The following CNNM2 variants were observed in gnomAD, a reference collection of about 807,000 sequenced individuals.
The protein encoded by CNNM2 is cyclin and CBS domain divalent metal cation transport mediator 2, also known as metal transporter CNNM2.
Under a neutral mutation model 66.9 loss-of-function variants are expected in CNNM2, and 12 were observed. The ratio of observed to expected loss-of-function variants is 0.18; its 90% CI spans 0.11 to 0.29. The LOEUF (loss-of-function observed/expected upper bound fraction) is 0.29. Among genes scored for constraint, CNNM2 ranks in the 10% least tolerant of loss-of-function variants. The pLI is 1.00. For missense variants in CNNM2, 705 were observed against 1,167.7 expected (o/e 0.60, Z 5.77); for synonymous variants, 557 against 501.8 (o/e 1.11, Z -1.47).
intron 1 of CNNM2, among the ~76,000 whole-genome samples, chr10:102,972,902 A>G (rs2134218291): frequency 6.6e-6 from 1 of 152,290 alleles, no homozygotes; most frequent in East Asian, 1.9e-4. Flanking sequence ...CTGTACAATC[A>G]AGTTTCTTTA....
At chr10:102,966,483 C>G (rs574162300) in intron 1 of CNNM2, among the ~76,000 whole-genome samples, 2 of 152,152 alleles carry the variant, frequency 1.3e-5, no homozygotes, top group South Asian at 4.1e-4. Flanking sequence ...ACAAAACAGC[C>G]GGGCTGGGTG....
chr10:103,032,146 T>A (rs990985127), intron 1 of CNNM2, among the ~76,000 whole-genome samples: 1 of 152,112 alleles, frequency 6.6e-6, no homozygotes, highest in African/African-American at 2.4e-5. Context: ...CATTTTCTCT[T>A]GTTAGAAATA....
At chr10:103,011,147 G>C (rs1026219426) in intron 1 of CNNM2, among the ~76,000 whole-genome samples, 4 of 152,134 alleles carry the variant, frequency 2.6e-5, no homozygotes, top group Non-Finnish European at 4.4e-5. Flanking sequence ...TCAGTGAGTT[G>C]CTTCTTTGCT....
In CNNM2 at chr10:103,076,253, G is replaced by A. The variant is rs2065688582; in HGVS notation, c.2401G>A (p.Asp801Asn). The part of the protein sequence containing the change: ...IPDYSVRALS[D>N]LQFVKISRQQ... ...CGATTACTCGGTGCGAGCCCTTTCG[G>A]ATCTGCAGTTTGTTAAGGTGAGAGA... The change falls in exon 7 of 8, where the codon GAT (aspartate) becomes AAT (asparagine). Residue 801 changes from aspartate to asparagine, a missense_variant. Asp to Asn is a conservative substitution (Grantham distance 23, BLOSUM62 1). Around this residue, in one of 9 missense-constraint regions of CNNM2, gnomAD observed 194 missense variants for 227.6 expected, o/e 0.85. Coordinates refer to ENST00000369878, the MANE Select transcript of CNNM2 (RefSeq NM_017649.5). 1 of 1,560,424 alleles carries A rather than the reference G, an allele frequency of 6.4e-7. No individual in the cohort carries two copies. The highest frequency in any genetic ancestry group is 1.4e-5 in the African/African-American group (1 of 73,560).
intron 7 of CNNM2, 103 bp from the exon 8 acceptor site, chr10:103,076,868 A>C: frequency 3.9e-6 from 4 of 1,032,134 alleles, no homozygotes; most frequent in Non-Finnish European, 5.9e-6. Context: ...ATTTTCTCCT[A>C]GAGAGGCTGC....
intron 1 of CNNM2, among the ~76,000 whole-genome samples, chr10:102,972,493 C>T (rs1196982614): frequency 2.0e-5 from 3 of 152,010 alleles, no homozygotes; most frequent in African/African-American, 2.4e-5. Context: ...AAAAATTAGA[C>T]GGGCGTGGTG....
chr10:103,052,327 TTC>T (rs1396101110), intron 2 of CNNM2, among the ~76,000 whole-genome samples: 1 of 151,838 alleles, frequency 6.6e-6, no homozygotes. Context: ...GTGTCTGTAT[TTC>T]TGTTTGCCCA....
At chr10:103,052,156 C>G (rs2065224556) in intron 2 of CNNM2, among the ~76,000 whole-genome samples, 1 of 151,696 alleles carries the variant, frequency 6.6e-6, no homozygotes, top group Non-Finnish European at 1.5e-5. Context: ...TGGCGTGCGC[C>G]TGTAGTCCCA....
intron 1 of CNNM2, among the ~76,000 whole-genome samples, chr10:102,938,758 A>G (rs1305548208): frequency 2.0e-5 from 3 of 151,900 alleles, no homozygotes; most frequent in Non-Finnish European, 4.4e-5. Flanking sequence ...TCCTATGCCT[A>G]TTAGACAGTT....
At chr10:102,926,640 G>C (rs1461607886) in intron 1 of CNNM2, among the ~76,000 whole-genome samples, 2 of 151,808 alleles carry the variant, frequency 1.3e-5, no homozygotes, top group African/African-American at 4.8e-5. Flanking sequence ...CGACCTCCCA[G>C]GTTCGAGTGA....
Position 103,089,545 on chromosome 10 carries a change from C to G in CNNM2, c.*12365C>G, listed in dbSNP as rs1307859942. ...TCTATGATAATAAAATCTTCAGAAACTTTTCAGACGTACCTTTCATGGAGC... is the reference window on the plus strand; with the variant it reads ...TCTATGATAATAAAATCTTCAGAAAGTTTTCAGACGTACCTTTCATGGAGC... On this transcript the variant is annotated 3_prime_UTR_variant, in exon 8 of 8. Transcript: ENST00000369878. 1.4e-6 allele frequency: 2 copies of G among 1,415,218 alleles called. No homozygotes were observed. Among genetic ancestry groups the G allele is most frequent in the Admixed American group, 3.2e-5 (1 of 31,424 alleles). The allele number at this position is 1,415,218 out of a possible 1,614,324, so 87.7% of individuals were successfully genotyped here.
intron 1 of CNNM2, among the ~76,000 whole-genome samples, chr10:102,951,755 C>G (rs1846843575): frequency 6.6e-6 from 1 of 151,106 alleles, no homozygotes; most frequent in Non-Finnish European, 1.5e-5. Flanking sequence ...CCTCCCACCT[C>G]AGCCTCTTGA....
At chr10:103,032,387 G>T (rs557190566) in intron 1 of CNNM2, among the ~76,000 whole-genome samples, 1 of 152,128 alleles carries the variant, frequency 6.6e-6, no homozygotes, top group African/African-American at 2.4e-5. Context: ...GGAGATGGAG[G>T]TTGCAGCGAG....
At chr10:103,072,380 C>T (rs1043323533) in intron 6 of CNNM2, among the ~76,000 whole-genome samples, 3 of 152,220 alleles carry the variant, frequency 2.0e-5, no homozygotes, top group Non-Finnish European at 2.9e-5. Context: ...GAGTGGAGCG[C>T]GAGCGCCTCT....
intron 1 of CNNM2, among the ~76,000 whole-genome samples, chr10:102,941,766 C>T (rs1006851865): frequency 2.6e-5 from 4 of 152,202 alleles, no homozygotes. Flanking sequence ...CTCTACTGTA[C>T]TATATCTTAT....
Position 102,919,841 on chromosome 10 carries a change from G to T in CNNM2, c.1361G>T (p.Arg454Leu), listed in dbSNP as rs1467729569. ...GTGGAGGACGTGATGACCCCACTCC[G>T]GGACTGCTTCATGATCACCGGCGAA... ...KTVEDVMTPL[R>L]DCFMITGEAI... is the part of the protein sequence containing the mutation. Residue 454 changes from arginine to leucine, a missense_variant, in exon 1 of 8, where the codon CGG (arginine) becomes CTG (leucine). Physicochemically the swap from Arg to Leu is moderately radical, Grantham distance 102. This residue lies in a region of CNNM2 where 171 missense variants were observed against 304.8 expected (regional missense o/e 0.56). Coordinates refer to ENST00000369878, the MANE Select transcript of CNNM2 (RefSeq NM_017649.5). 1 of 1,614,188 alleles carries T rather than the reference G, an allele frequency of 6.2e-7. No individual in the cohort carries two copies. The highest frequency in any genetic ancestry group is 1.1e-5 in the South Asian group (1 of 91,084).
chr10:102,923,595 T>C (rs537438067), intron 1 of CNNM2, among the ~76,000 whole-genome samples: 3 of 152,298 alleles, frequency 2.0e-5, no homozygotes, highest in African/African-American at 2.4e-5. Flanking sequence ...TCAGAGCCTG[T>C]TGGGCAATAG....
chr10:103,010,266 T>G (rs1264154299), intron 1 of CNNM2, among the ~76,000 whole-genome samples: 1 of 152,076 alleles, frequency 6.6e-6, no homozygotes. Context: ...GAGACAGAGT[T>G]TCACCCTGTT....
At chr10:102,976,611 ATTTTTTTTTTTTT>A (rs66498944) in intron 1 of CNNM2, among the ~76,000 whole-genome samples, 61 of 59,446 alleles carry the variant, frequency 1.0e-3, no homozygotes, top group Admixed American at 1.9e-3. Context: ...CGCCCAGGTA[ATTTTTTTTTTTTT>A]TTTTTTTTTT....
Sources: gnomAD v4.1 joint callset for allele counts (sites outside exome capture counted in the v4.1 genomes callset) on GRCh38, gnomAD v4.1.1 for gene constraint, gnomAD v4.1.1 regional missense constraint, MANE v1.5 for transcripts, NCBI Gene and HGNC (gene_info 2026-07-23, HGNC 2026-07-21) for gene names.